SLC7A7: variants seen among roughly 807,000 people sequenced by gnomAD.
SLC7A7 encodes solute carrier family 7 member 7, also known as Y+L amino acid transporter 1.
A neutral mutation model predicts 47.9 loss-of-function variants in SLC7A7; 39 were observed. The observed-to-expected ratio is 0.81, with a 90% CI of 0.63 to 1.06. The LOEUF is 1.06. SLC7A7 is among the 50% of genes least tolerant of loss of function. SLC7A7 has a pLI of 0.00. For missense variants in SLC7A7, 588 were observed against 632.0 expected, an observed-to-expected ratio of 0.93 and a Z score of 0.75; for synonymous variants, 234 against 242.8, an observed-to-expected ratio of 0.96 and a Z score of 0.34.
rs140651752 is a variant in SLC7A7 at position 22,811,602 on chromosome 14, C to T, written c.499+1298G>A. On this transcript the variant is annotated intron_variant, in intron 2 of 9. Coordinates refer to ENST00000674313, the MANE Select transcript of SLC7A7 (RefSeq NM_003982.4). ...CAGTGGCTCACGCCTGTGATCCCAA[C>T]ACTTTGGGAAGCCAAGGCAGGTAGA... is the stretch of plus-strand genomic sequence containing the variant. 2.6e-5 allele frequency among the ~76,000 whole-genome samples: 4 copies of T among 152,322 alleles called. No homozygotes were observed. In the East Asian group the frequency reaches 7.7e-4, roughly 29 times the overall value.
chr14:22,809,402 G>A lies in SLC7A7; in HGVS notation c.499+3498C>T, dbSNP rs182815554. ...GTCACCCAGGCTGGCGTGCAATGGC[G>A]CGATCTCTGCTCACTGCAACCTCTG... On this transcript the variant is annotated intron_variant, in intron 2 of 9. Transcript: ENST00000674313. 1.3e-3 allele frequency among the ~76,000 whole-genome samples: 194 copies of A among 147,138 alleles called. 2 individuals are homozygous for A. Among genetic ancestry groups the A allele is most frequent in the Non-Finnish European group, 1.2e-3 (80 of 67,206 alleles).
intron 2 of SLC7A7, among the ~76,000 whole-genome samples, chr14:22,795,799 C>G (rs986000453): frequency 5.9e-5 from 9 of 152,112 alleles, no homozygotes; most frequent in African/African-American, 2.2e-4. Context: ...CCAGATGATT[C>G]CAATCCACAG....
chr14:22,812,773 C>CTATATATATATATATATATATA lies in SLC7A7; in HGVS notation c.499+126_499+127insTATATATATATATATATATATA, dbSNP rs58930730. On this transcript the variant is annotated intron_variant, in intron 2 of 9. Transcript: ENST00000674313. ...AATTTTCACACAAAGCATACTTTAACTATATATATATATATATATGTTGTC... is the reference window on the plus strand; with the variant it reads ...AATTTTCACACAAAGCATACTTTAACTATATATATATATATATATATATATATATATATATATATATGTTGTC... 4,965 of 437,784 alleles carry CTATATATATATATATATATATA rather than the reference C, an allele frequency of 0.011. 269 individuals carry two copies. Among genetic ancestry groups the CTATATATATATATATATATATA allele is most frequent in the Admixed American group, 0.015 (303 of 20,840 alleles). The allele number at this position is 437,784 out of a possible 1,614,324, so 27.1% of individuals were successfully genotyped here.
chr14:22,805,687 G>A (rs2039189462), intron 2 of SLC7A7, among the ~76,000 whole-genome samples: 1 of 152,146 alleles, frequency 6.6e-6, no homozygotes. Flanking sequence ...CAGGTGATGG[G>A]TTGATCTGTA....
At chr14:22,779,827 T>C in intron 3 of SLC7A7, 99 bp downstream of exon 3, 1 of 1,114,722 alleles carries the variant, frequency 9.0e-7, no homozygotes, top group Non-Finnish European at 1.3e-6. Flanking sequence ...CGAATAAGGT[T>C]ATAGTAAGAA....
chr14:22,815,377 G>A lies in SLC7A7; in HGVS notation c.-100C>T, dbSNP rs191979386. On this transcript the variant is annotated 5_prime_UTR_variant, in exon 1 of 10. Coordinates refer to ENST00000674313, the MANE Select transcript of SLC7A7 (RefSeq NM_003982.4). ...GCAGTGTGAGCAGCAGTCAGGGAGA[G>A]AAGTGCCTTCCAGGATCTGTGGTCT... The A allele has an allele frequency of 1.3e-4, 59 of 454,562 alleles. No individual in the cohort carries two copies. The highest frequency in any genetic ancestry group is 9.2e-4 in the African/African-American group (46 of 50,120). 28.2% of individuals were successfully genotyped at this position (454,562 alleles called of 1,614,324 possible).
At chr14:22,791,619 C>G (rs1280182832) in intron 2 of SLC7A7, among the ~76,000 whole-genome samples, 1 of 152,066 alleles carries the variant, frequency 6.6e-6, no homozygotes, top group Admixed American at 6.6e-5. Flanking sequence ...GGGGGAAGGC[C>G]AAACCCCACA....
intron 2 of SLC7A7, among the ~76,000 whole-genome samples, chr14:22,800,058 C>T (rs1055456002): frequency 6.6e-6 from 1 of 152,200 alleles, no homozygotes; most frequent in Admixed American, 6.6e-5. Context: ...TCTTAAGTCT[C>T]CCTGTCCCCA....
intron 2 of SLC7A7, among the ~76,000 whole-genome samples, chr14:22,788,705 G>GA (rs199558705): frequency 0.024 from 2,861 of 118,758 alleles, 84 homozygotes; most frequent in African/African-American, 0.074. Context: ...CTCTGTCTGG[G>GA]AAAAAAAAAA....
rs574072089 is a variant in SLC7A7 at position 22,783,464 on chromosome 14, G to A, written c.500-3413C>T. ...CCCCCAGGCTGGAGTACAGTGGTGC[G>A]ATCTCAGCTCACTGCAACCTCCGCC... On this transcript the variant is annotated intron_variant, in intron 2 of 9. Transcript: ENST00000674313. Among the ~76,000 whole-genome samples, 8 of 150,378 alleles carry A rather than the reference G, an allele frequency of 5.3e-5. No individual in the cohort carries two copies. In the East Asian group the frequency reaches 1.4e-3, roughly 26 times the overall value.
At position 22,788,574 on chromosome 14, in the gene SLC7A7, GGCACC is replaced by G. The variant is rs146591887; in HGVS notation, c.500-8528_500-8524del. 5.7e-3 allele frequency among the ~76,000 whole-genome samples: 872 copies of G among 151,796 alleles called. 7 individuals are homozygous for G. Among genetic ancestry groups the G allele is most frequent in the African/African-American group, 0.02 (842 of 41,386 alleles). Reference sequence around the variant, plus strand: ...CAAAAATTAGCTGGGCGTGGTGGCGGGCACCTGTCATCCCAGCTACTCAGGAGGCT... The same window carrying G: ...CAAAAATTAGCTGGGCGTGGTGGCGGTGTCATCCCAGCTACTCAGGAGGCT... On this transcript the variant is annotated intron_variant, in intron 2 of 9. Transcript: ENST00000674313.
At chr14:22,793,077 CA>C (rs1317599927) in intron 2 of SLC7A7, among the ~76,000 whole-genome samples, 1 of 151,698 alleles carries the variant, frequency 6.6e-6, no homozygotes, top group Non-Finnish European at 1.5e-5. Flanking sequence ...CCACCAAGCC[CA>C]GCTAATTTTT....
intron 2 of SLC7A7, among the ~76,000 whole-genome samples, chr14:22,790,998 C>CAA (rs34516291): frequency 0.083 from 9,351 of 113,104 alleles, 473 homozygotes; most frequent in South Asian, 0.16. Context: ...CTCCGTCTCA[C>CAA]AAAAAAAAAA....
chr14:22,794,131 A>G lies in SLC7A7; in HGVS notation c.500-14080T>C, dbSNP rs141022313. Among the ~76,000 whole-genome samples, 567 of 152,304 alleles carry G rather than the reference A, an allele frequency of 3.7e-3. 5 individuals are homozygous for G. The highest frequency in any genetic ancestry group is 0.013 in the African/African-American group (535 of 41,544). ...AACTCTGCTCCCAGAATGTTCGGGGAGACTGATTTGAGTAATAATAAAACT... is the reference window on the plus strand; with the variant it reads ...AACTCTGCTCCCAGAATGTTCGGGGGGACTGATTTGAGTAATAATAAAACT... On this transcript the variant is annotated intron_variant, in intron 2 of 9. Coordinates refer to ENST00000674313, the MANE Select transcript of SLC7A7 (RefSeq NM_003982.4).
chr14:22,799,102 G>T (rs2039065925), intron 2 of SLC7A7, among the ~76,000 whole-genome samples: 1 of 152,162 alleles, frequency 6.6e-6, no homozygotes, highest in Non-Finnish European at 1.5e-5. Flanking sequence ...TCACTGCCCT[G>T]AAATTTCATT....
chr14:22,781,462 T>C (rs537724595), intron 2 of SLC7A7, among the ~76,000 whole-genome samples: 14 of 152,274 alleles, frequency 9.2e-5, no homozygotes, highest in African/African-American at 3.4e-4. Flanking sequence ...AGAAGGCACA[T>C]TCCTGTCCTA....
chr14:22,795,174 G>T (rs545426541), intron 2 of SLC7A7, among the ~76,000 whole-genome samples: 1 of 146,736 alleles, frequency 6.8e-6, no homozygotes, highest in Admixed American at 7.0e-5. Context: ...TGGACCAAAT[G>T]GGCTTAAACA....
At chr14:22,809,240 C>T (rs1052862787) in intron 2 of SLC7A7, among the ~76,000 whole-genome samples, 10 of 152,168 alleles carry the variant, frequency 6.6e-5, no homozygotes, top group African/African-American at 2.4e-4. Flanking sequence ...AGTGCAGTAG[C>T]ATGATCTCGG....
intron 3 of SLC7A7, among the ~76,000 whole-genome samples, chr14:22,779,653 C>T (rs1380124454): frequency 1.1e-4 from 17 of 152,016 alleles, no homozygotes; most frequent in Admixed American, 1.1e-3. Flanking sequence ...TGGGGTTTCA[C>T]CATCTTGGCC....
Sources: gnomAD v4.1 joint callset for allele counts (sites outside exome capture counted in the v4.1 genomes callset) on GRCh38, gnomAD v4.1.1 for gene constraint, MANE v1.5 for transcripts, NCBI Gene and HGNC (gene_info 2026-07-23, HGNC 2026-07-21) for gene names.